ZNF283: variants seen among roughly 807,000 people sequenced by gnomAD.
The protein encoded by ZNF283 is zinc finger protein 41.
Under a neutral mutation model 9.2 loss-of-function variants are expected in ZNF283, and 10 were observed. That is an observed-to-expected ratio of 1.09 (90% CI 0.67 to 1.85). The LOEUF is 1.85. Among genes scored for constraint, ZNF283 ranks in the 40% most tolerant of loss-of-function variants. ZNF283 has a pLI of 0.00. For synonymous variants in ZNF283, 234 were observed against 244.1 expected (o/e 0.96, Z 0.38); for missense variants, 631 against 760.1 (o/e 0.83, Z 2.00).
At position 43,839,858 on chromosome 19, in the gene ZNF283, T is replaced by C. The variant is rs1326418748; in HGVS notation, c.337+2679T>C. 2.0e-5 allele frequency among the ~76,000 whole-genome samples: 3 copies of C among 152,210 alleles called. No homozygotes were observed. In the East Asian group the frequency reaches 5.8e-4, roughly 29 times the overall value. ...TTTAGCTCTTGGTCCATGGTTTCTGTAGCTCATTGAGCATATTTGGATAGT... is the reference window on the plus strand; with the variant it reads ...TTTAGCTCTTGGTCCATGGTTTCTGCAGCTCATTGAGCATATTTGGATAGT... On this transcript the variant is annotated intron_variant, in intron 6 of 6. Transcript: ENST00000618787.
rs10419256 is a variant in ZNF283 at position 43,851,786 on chromosome 19, G to A, written c.*3145G>A. 0.094 allele frequency: 14,322 copies of A among 152,310 alleles called. 838 individuals are homozygous for A. The highest frequency in any genetic ancestry group is 0.13 in the Non-Finnish European group (8,933 of 68,022). The allele number at this position is 152,310 out of a possible 1,614,324, so 9.4% of individuals were successfully genotyped here. A position where few individuals can be genotyped will look rare whatever the true frequency, so the allele number is the denominator to read the frequency against. On this transcript the variant is annotated 3_prime_UTR_variant, in exon 7 of 7. Transcript: ENST00000618787. ...AAAATGGTTGAACTTTGTTTAAACT[G>A]GTGTATGGCAAACTTCACTGTTGAA... is the stretch of plus-strand genomic sequence containing the variant.
chr19:43,839,188 T>A (rs1276944143), intron 6 of ZNF283, among the ~76,000 whole-genome samples: 1 of 152,142 alleles, frequency 6.6e-6, no homozygotes, highest in Non-Finnish European at 1.5e-5. Context: ...ATTTCACCTT[T>A]ATTCTTAAAG....
intron 6 of ZNF283, among the ~76,000 whole-genome samples, chr19:43,839,252 A>T (rs1971104836): frequency 7.0e-6 from 1 of 143,248 alleles, no homozygotes; most frequent in Non-Finnish European, 1.6e-5. Flanking sequence ...TTTCTTTTGG[A>T]CTTTTCAATA....
intron 2 of ZNF283, 136 bp from the exon 3 acceptor site, chr19:43,831,182 C>T (rs528766815): frequency 4.2e-5 from 22 of 529,458 alleles, no homozygotes; most frequent in African/African-American, 3.7e-4. Flanking sequence ...TTTAATTGGT[C>T]ATTCACTGAA....
At chr19:43,835,689 A>G (rs1423806943) in intron 5 of ZNF283, 97 bp downstream of exon 5, 1 of 947,314 alleles carries the variant, frequency 1.1e-6, no homozygotes, top group African/African-American at 1.6e-5. Flanking sequence ...TTCTCCATAG[A>G]CCCAAGTTTT....
At chr19:43,841,057 A>G (rs944240532) in intron 6 of ZNF283, 14 of 152,036 alleles carry the variant, frequency 9.2e-5, no homozygotes, top group African/African-American at 3.1e-4. Flanking sequence ...ACCAGCCCTT[A>G]GAGCTTCCTA....
At chr19:43,828,142 T>C (rs1458907123) in intron 1 of ZNF283, 60 bp from the exon 2 acceptor site, 3 of 152,198 alleles carry the variant, frequency 2.0e-5, no homozygotes, top group Non-Finnish European at 4.4e-5. Flanking sequence ...TTTTCTTTTT[T>C]AATTAAGTCT....
rs755882522 is a variant in ZNF283 at position 43,835,571 on chromosome 19, C to T, written c.189C>T (p.Cys63=). 1 of 1,608,658 alleles carries T rather than the reference C, an allele frequency of 6.2e-7. No homozygotes were observed. The highest frequency in any genetic ancestry group is 1.7e-5 in the Admixed American group (1 of 59,466). ...EESHGALISS[C]NSRTMTDGLV... ...CCCATGGAGCATTAATTAGTTCTTG[C>T]AATTCCAGAACCATGACTGATGTAA... Residue 63 remains cysteine, a synonymous_variant, in exon 5 of 7, where the codon TGC becomes TGT. Transcript: ENST00000618787.
rs1971568905 is a variant in ZNF283, at chr19:43,850,242, A to T, written c.*1601A>T. Reference sequence around the variant, plus strand: ...AACATTTTTTACCAGAACACTTCATAGATGGTGATGTGTACTTCATCTTGC... The same window carrying T: ...AACATTTTTTACCAGAACACTTCATTGATGGTGATGTGTACTTCATCTTGC... On this transcript the variant is annotated 3_prime_UTR_variant, in exon 7 of 7. Transcript: ENST00000618787. The T allele has an allele frequency of 6.6e-6, 1 of 152,210 alleles. No individual in the cohort carries two copies. Among genetic ancestry groups the T allele is most frequent in the Non-Finnish European group, 1.5e-5 (1 of 68,028 alleles). The allele number at this position is 152,210 out of a possible 1,614,324, so 9.4% of individuals were successfully genotyped here.
At position 43,848,428 on chromosome 19, in the gene ZNF283, T is replaced by C; in HGVS notation, c.1827T>C (p.Gly609=). 1 of 1,614,024 alleles carries C rather than the reference T, an allele frequency of 6.2e-7. No homozygotes were observed. The highest frequency in any genetic ancestry group is 1.7e-5 in the Admixed American group (1 of 60,006). Residue 609 remains glycine (G), a synonymous_variant, in exon 7 of 7, where the codon GGT becomes GGC. Coordinates refer to ENST00000618787, the MANE Select transcript of ZNF283 (RefSeq NM_181845.2). ...GTAAAGACTGTGGGAAGGCCTTTGG[T>C]AGTGGCTATCAACTTAGTGTTCATC... The part of the protein sequence containing the change: ...YECKDCGKAF[G]SGYQLSVHQR...
At chr19:43,838,667 A>G (rs563900176) in intron 6 of ZNF283, among the ~76,000 whole-genome samples, 1 of 151,976 alleles carries the variant, frequency 6.6e-6, no homozygotes, top group Admixed American at 6.6e-5. Context: ...TAAACTTTCC[A>G]TTTATTCATA....
chr19:43,850,441 C>CTT lies in ZNF283; in HGVS notation c.*1813_*1814dup, dbSNP rs72316769. ...GTGTGATCATATGGTATGTATTTTA[C>CTT]TTTTTTTTTTTTTTGGGACAGGATC... On this transcript the variant is annotated 3_prime_UTR_variant, in exon 7 of 7. Transcript: ENST00000618787. 1.0e-4 allele frequency: 15 copies of CTT among 147,046 alleles called. No homozygotes were observed. Among genetic ancestry groups the CTT allele is most frequent in the Admixed American group, 4.1e-4 (6 of 14,612 alleles). The allele number at this position is 147,046 out of a possible 1,614,324, so 9.1% of individuals were successfully genotyped here. A position where few individuals can be genotyped will look rare whatever the true frequency, so the allele number is the denominator to read the frequency against.
intron 5 of ZNF283, 51 bp downstream of exon 5, chr19:43,835,643 G>T: frequency 7.3e-7 from 1 of 1,365,754 alleles, no homozygotes; most frequent in South Asian, 1.2e-5. Flanking sequence ...TAGGGCGTGT[G>T]AATCTTTTCA....
At chr19:43,846,393 C>T (rs912471837) in intron 6 of ZNF283, among the ~76,000 whole-genome samples, 19 of 152,086 alleles carry the variant, frequency 1.2e-4, no homozygotes, top group Admixed American at 6.5e-4. Flanking sequence ...TGCTTTATCT[C>T]AGGGGTTGGA....
chr19:43,839,451 G>A (rs1971111288), intron 6 of ZNF283, among the ~76,000 whole-genome samples: 1 of 152,008 alleles, frequency 6.6e-6, no homozygotes, highest in Non-Finnish European at 1.5e-5. Flanking sequence ...TGAAGTTGTT[G>A]AGCCTCTTGG....
In ZNF283 at chr19:43,847,662, A is replaced by G. The variant is rs373205359; in HGVS notation, c.1061A>G (p.Lys354Arg). 27 of 1,613,706 alleles carry G rather than the reference A, an allele frequency of 1.7e-5. No homozygotes were observed. Among genetic ancestry groups the G allele is most frequent in the Non-Finnish European group, 2.3e-5 (27 of 1,179,782 alleles). The change falls in exon 7 of 7, where the codon AAG (lysine) becomes AGG (arginine). Residue 354 changes from lysine to arginine, a missense_variant. Lys to Arg is a conservative substitution (Grantham distance 26). Around this residue, in one of 3 missense-constraint regions of ZNF283, gnomAD observed 444 missense variants for 522.5 expected, o/e 0.85. Coordinates refer to ENST00000618787, the MANE Select transcript of ZNF283 (RefSeq NM_181845.2). ...CCTTATAAATGTAAAGAATGTGGGA[A>G]GGCCTTCAGTCGTGGCTATCAGCTT... ...EKPYKCKECG[K>R]AFSRGYQLTQ... is the part of the protein sequence containing the mutation.
intron 6 of ZNF283, among the ~76,000 whole-genome samples, chr19:43,844,600 C>T (rs1971335559): frequency 6.6e-6 from 1 of 152,162 alleles, no homozygotes; most frequent in Admixed American, 6.5e-5. Context: ...TTAAATGAAA[C>T]AGCAATAGTG....
chr19:43,838,247 G>T (rs1232444684), intron 6 of ZNF283, among the ~76,000 whole-genome samples: 1 of 152,136 alleles, frequency 6.6e-6, no homozygotes, highest in Non-Finnish European at 1.5e-5. Flanking sequence ...CTTGATTAAG[G>T]TAGCGTCTGC....
chr19:43,839,474 C>A (rs1454325774), intron 6 of ZNF283, among the ~76,000 whole-genome samples: 2 of 151,916 alleles, frequency 1.3e-5, no homozygotes, highest in African/African-American at 4.8e-5. Context: ...GTGTGTATTC[C>A]TGCCTTTTGT....
Sources: allele counts gnomAD v4.1 joint callset (sites outside exome capture counted in the v4.1 genomes callset), GRCh38; gene constraint gnomAD v4.1.1; regional missense constraint gnomAD v4.1.1; transcripts MANE v1.5; gene names NCBI Gene and HGNC (gene_info 2026-07-23, HGNC 2026-07-21).